Variants in CYP39A1 observed in about 807,000 individuals in gnomAD.
CYP39A1 encodes cytochrome P450 family 39 subfamily A member 1.
Under a neutral mutation model 58.1 loss-of-function variants are expected in CYP39A1, and 49 were observed. That is an observed-to-expected ratio of 0.84 (90% CI 0.67 to 1.07). The LOEUF (loss-of-function observed/expected upper bound fraction) is 1.07. Ranked by LOEUF, CYP39A1 falls within the 50% of genes least tolerant of loss-of-function variation. The probability of loss-of-function intolerance (pLI) is 0.00; values close to 1 mark genes in which losing one functional copy is unlikely to be tolerated. For synonymous variants in CYP39A1, 209 were observed against 187.6 expected, an observed-to-expected ratio of 1.11 and a Z score of -0.93; for missense variants, 531 against 539.4, an observed-to-expected ratio of 0.98 and a Z score of 0.16.
At chr6:46,572,872 T>C (rs927835060) in intron 10 of CYP39A1, among the ~76,000 whole-genome samples, 1 of 152,060 alleles carries the variant, frequency 6.6e-6, no homozygotes, top group Non-Finnish European at 1.5e-5. Context: ...CTCCTTAGTC[T>C]GGATAATTTC....
intron 1 of CYP39A1, among the ~76,000 whole-genome samples, chr6:46,642,966 T>A (rs1776435008): frequency 6.6e-6 from 1 of 152,196 alleles, no homozygotes; most frequent in Admixed American, 6.6e-5. Flanking sequence ...TGGAGGTTCC[T>A]GCCCTTGTGA....
intron 10 of CYP39A1, among the ~76,000 whole-genome samples, chr6:46,577,948 A>C (rs959203799): frequency 2.5e-4 from 38 of 152,240 alleles, no homozygotes; most frequent in African/African-American, 7.9e-4. Context: ...ACATCTACAG[A>C]ATACTCTACC....
intron 10 of CYP39A1, among the ~76,000 whole-genome samples, chr6:46,568,103 A>G (rs1191417125): frequency 1.3e-5 from 2 of 152,014 alleles, no homozygotes; most frequent in Non-Finnish European, 2.9e-5. Context: ...CAACTTTCAC[A>G]GGTATAAGGT....
At chr6:46,650,852 CCT>C (rs1238742960) in intron 1 of CYP39A1, among the ~76,000 whole-genome samples, 1 of 151,972 alleles carries the variant, frequency 6.6e-6, no homozygotes, top group Non-Finnish European at 1.5e-5. Flanking sequence ...GCAATAGAGA[CCT>C]CACAAATATT....
chr6:46,553,819 A>T lies in CYP39A1; in HGVS notation c.1286T>A (p.Ile429Asn), dbSNP rs1770532757. The T allele has an allele frequency of 6.2e-7, 1 of 1,610,806 alleles. No individual in the cohort carries two copies. The highest frequency in any genetic ancestry group is 8.5e-7 in the Non-Finnish European group (1 of 1,178,116). Reference protein sequence around the residue: ...FALLEVQMCIILILYKYDCSL... With the variant: ...FALLEVQMCINLILYKYDCSL... Reference sequence around the variant, plus strand: ...ACAGTCATATTTATAAAGTATTAAAATAATACACATCTGAACCTCTAACAG... The same window carrying T: ...ACAGTCATATTTATAAAGTATTAAATTAATACACATCTGAACCTCTAACAG... Residue 429 changes from isoleucine to asparagine, a missense_variant, in exon 11 of 12, where the codon ATT (isoleucine) becomes AAT (asparagine). Transcript: ENST00000275016.
chr6:46,635,393 A>G (rs1046584035), intron 5 of CYP39A1, among the ~76,000 whole-genome samples: 1 of 152,168 alleles, frequency 6.6e-6, no homozygotes, highest in East Asian at 1.9e-4. Flanking sequence ...AGACCAAATG[A>G]AACCCAGTCT....
chr6:46,635,346 T>A (rs552690534), intron 5 of CYP39A1, among the ~76,000 whole-genome samples: 1 of 152,212 alleles, frequency 6.6e-6, no homozygotes, highest in African/African-American at 2.4e-5. Context: ...TGCCCAAGGT[T>A]ACATAACCAG....
chr6:46,623,562 C>T (rs1775108296), intron 7 of CYP39A1, among the ~76,000 whole-genome samples: 1 of 152,158 alleles, frequency 6.6e-6, no homozygotes, highest in South Asian at 2.1e-4. Flanking sequence ...AACAGCACAT[C>T]ATGGGACTCC....
rs936148759 is a variant in CYP39A1 at position 46,652,790 on chromosome 6, T to C, written c.-208A>G. The C allele has an allele frequency of 3.8e-5, 19 of 504,958 alleles. No homozygotes were observed. Among genetic ancestry groups the C allele is most frequent in the Non-Finnish European group, 6.5e-5 (19 of 292,670 alleles). The allele number at this position is 504,958 out of a possible 1,614,324, so 31.3% of individuals were successfully genotyped here. A position where few individuals can be genotyped will look rare whatever the true frequency, so the allele number is the denominator to read the frequency against. On this transcript the variant is annotated 5_prime_UTR_variant, in exon 1 of 12. Coordinates refer to ENST00000275016, the MANE Select transcript of CYP39A1 (RefSeq NM_016593.5). ...CGCTCCCTCCCACCTCCACTTCTCTTTGAATCTCAGCCAGCGCGGAAAAAA... is the reference window on the plus strand; with the variant it reads ...CGCTCCCTCCCACCTCCACTTCTCTCTGAATCTCAGCCAGCGCGGAAAAAA...
chr6:46,621,281 C>A (rs184217108), intron 7 of CYP39A1, among the ~76,000 whole-genome samples: 154 of 151,988 alleles, frequency 1.0e-3, no homozygotes, highest in Non-Finnish European at 1.2e-3. Context: ...CTAAGGAAAT[C>A]TTTTCTAAAG....
At chr6:46,592,982 C>A (rs764290455) in intron 8 of CYP39A1, among the ~76,000 whole-genome samples, 3 of 151,968 alleles carry the variant, frequency 2.0e-5, no homozygotes, top group Non-Finnish European at 2.9e-5. Context: ...CAAAGTAAAA[C>A]AATCTAAATT....
At chr6:46,564,087 GTTTT>G (rs148402829) in intron 10 of CYP39A1, among the ~76,000 whole-genome samples, 3 of 142,000 alleles carry the variant, frequency 2.1e-5, no homozygotes, top group African/African-American at 8.0e-5. Context: ...GACCTAGTTT[GTTTT>G]TTATTTTGTA....
At chr6:46,603,106 CT>C (rs1773619416) in intron 7 of CYP39A1, among the ~76,000 whole-genome samples, 1 of 152,194 alleles carries the variant, frequency 6.6e-6, no homozygotes, top group South Asian at 2.1e-4. Context: ...TCCTTCTCCC[CT>C]GTATGCAGCC....
intron 10 of CYP39A1, chr6:46,586,189 C>T: frequency 3.1e-6 from 3 of 979,486 alleles, no homozygotes; most frequent in Non-Finnish European, 3.6e-6. Context: ...GGAATGGATA[C>T]TGCGGAGCAA....
At chr6:46,564,773 A>G (rs1347502802) in intron 10 of CYP39A1, among the ~76,000 whole-genome samples, 1 of 152,114 alleles carries the variant, frequency 6.6e-6, no homozygotes, top group Non-Finnish European at 1.5e-5. Context: ...GAAAGCTATC[A>G]CTGTTGCCAG....
At chr6:46,649,317 T>A (rs185503783) in intron 1 of CYP39A1, among the ~76,000 whole-genome samples, 1 of 152,226 alleles carries the variant, frequency 6.6e-6, no homozygotes, top group African/African-American at 2.4e-5. Context: ...GAGTCTGCTA[T>A]CAAGATGAAA....
intron 10 of CYP39A1, among the ~76,000 whole-genome samples, chr6:46,572,819 C>G (rs2150495610): frequency 1.3e-5 from 2 of 152,132 alleles, no homozygotes; most frequent in Middle Eastern, 6.8e-3. Flanking sequence ...TTATTAGTGT[C>G]CCTTAAGTCC....
intron 3 of CYP39A1, among the ~76,000 whole-genome samples, chr6:46,639,086 C>T (rs1582457908): frequency 6.6e-6 from 1 of 152,206 alleles, no homozygotes; most frequent in East Asian, 1.9e-4. Flanking sequence ...ATTCTCTCCC[C>T]TATCCTCTCA....
chr6:46,562,332 A>C (rs1322232325), intron 10 of CYP39A1, among the ~76,000 whole-genome samples: 10 of 152,092 alleles, frequency 6.6e-5, no homozygotes, highest in Non-Finnish European at 1.0e-4. Flanking sequence ...CTAAGAGAGT[A>C]GATTTTAAGT....
Sources: gnomAD v4.1 joint callset for allele counts (sites outside exome capture counted in the v4.1 genomes callset) on GRCh38, gnomAD v4.1.1 for gene constraint, MANE v1.5 for transcripts, NCBI Gene and HGNC (gene_info 2026-07-23, HGNC 2026-07-21) for gene names.